MYPN: variants seen among roughly 807,000 people sequenced by gnomAD.
MYPN encodes myopalladin, also known as sarcomeric protein myopalladin, 145 kDa (MYOP).
A neutral mutation model predicts 129.4 loss-of-function variants in MYPN; 63 were observed. The observed-to-expected ratio is 0.49, with a 90% confidence interval of 0.40 to 0.60. The LOEUF (loss-of-function observed/expected upper bound fraction) is 0.60, where lower values mean the gene tolerates loss of function less well. MYPN is among the 20% of genes least tolerant of loss of function. MYPN has a pLI of 0.00. For synonymous variants in MYPN, 629 were observed against 600.9 expected (o/e 1.05, Z -0.68); for missense variants, 1,596 against 1,635.4 (o/e 0.98, Z 0.42).
chr10:68,188,630 T>C (rs572124645), intron 12 of MYPN, among the ~76,000 whole-genome samples: 7 of 152,280 alleles, frequency 4.6e-5, no homozygotes, highest in African/African-American at 1.7e-4. Flanking sequence ...AAAATTATAT[T>C]CCATCTACAT....
At chr10:68,110,940 C>A (rs1441847013) in intron 1 of MYPN, among the ~76,000 whole-genome samples, 1 of 152,124 alleles carries the variant, frequency 6.6e-6, no homozygotes, top group South Asian at 2.1e-4. Context: ...ATGAAACAAA[C>A]AGTTGAACAC....
rs969011897 is a variant in MYPN, at chr10:68,182,422, A to G, written c.2704-6483A>G. On this transcript the variant is annotated intron_variant, in intron 12 of 19. Coordinates refer to ENST00000358913, the MANE Select transcript of MYPN (RefSeq NM_032578.4). ...TATATAACACATATATATAACATAT[A>G]TATAACACATATATATAACATATAT... is the stretch of plus-strand genomic sequence containing the variant. Among the ~76,000 whole-genome samples, 3 of 98,180 alleles carry G rather than the reference A, an allele frequency of 3.1e-5. 1 individual carries two copies. The highest frequency in any genetic ancestry group is 2.6e-4 in the Admixed American group (2 of 7,568). 64.4% of individuals were successfully genotyped at this position (98,180 alleles called of 152,430 possible).
chr10:68,173,988 C>T (rs2043184236), intron 10 of MYPN, 78 bp from the exon 11 acceptor site: 2 of 1,189,110 alleles, frequency 1.7e-6, no homozygotes, highest in Non-Finnish European at 2.5e-6. Context: ...TATAAACAGT[C>T]TGTCTGAACA....
chr10:68,091,160 T>C (rs1049570255), intron 1 of MYPN, among the ~76,000 whole-genome samples: 4 of 152,110 alleles, frequency 2.6e-5, no homozygotes, highest in Admixed American at 1.3e-4. Context: ...TGGGTAGGCA[T>C]GGACTGGAGA....
intron 10 of MYPN, among the ~76,000 whole-genome samples, chr10:68,171,581 ACT>A (rs1204073692): frequency 6.6e-6 from 1 of 152,060 alleles, no homozygotes; most frequent in African/African-American, 2.4e-5. Flanking sequence ...GATAATAATA[ACT>A]CTGTCTGAAT....
rs749716608 is a variant in MYPN, at chr10:68,174,256, C to G, written c.2164C>G (p.Arg722Gly). ...APSSQTFSLARPKYFFPSTNT... is the reference protein window; with the variant it reads ...APSSQTFSLAGPKYFFPSTNT... ...TTCATCACAGACGTTCAGCTTGGCC[C>G]GGCCGAAGTATTTCTTCCCCTCCAC... The change falls in exon 11 of 20, where the codon CGG becomes GGG. Residue 722 changes from arginine (R) to glycine (G), a missense_variant. Transcript: ENST00000358913. 3.1e-6 allele frequency: 5 copies of G among 1,614,136 alleles called. No individual in the cohort carries two copies. In the Admixed American group the frequency reaches 8.3e-5, roughly 27 times the overall value.
At chr10:68,167,358 A>G (rs2043070924) in intron 10 of MYPN, among the ~76,000 whole-genome samples, 1 of 152,158 alleles carries the variant, frequency 6.6e-6, no homozygotes, top group Non-Finnish European at 1.5e-5. Flanking sequence ...GTCATTATGG[A>G]AAAACTATTT....
At chr10:68,198,294 C>T (rs1257832084) in intron 16 of MYPN, among the ~76,000 whole-genome samples, 5 of 152,080 alleles carry the variant, frequency 3.3e-5, no homozygotes, top group Non-Finnish European at 7.4e-5. Flanking sequence ...AAATATGGCT[C>T]CAAGGTAGTG....
intron 1 of MYPN, among the ~76,000 whole-genome samples, chr10:68,088,038 T>C (rs1279229987): frequency 6.6e-6 from 1 of 152,138 alleles, no homozygotes; most frequent in Non-Finnish European, 1.5e-5. Flanking sequence ...AAGCAAGAGA[T>C]TTCTTAAGGG....
intron 19 of MYPN, among the ~76,000 whole-genome samples, chr10:68,208,435 G>A (rs1268170286): frequency 1.3e-5 from 2 of 152,140 alleles, no homozygotes; most frequent in African/African-American, 4.8e-5. Context: ...AAACTGTGAA[G>A]GAAGCAGACA....
Position 68,121,945 on chromosome 10 carries a change from C to T in MYPN, c.507C>T (p.Ser169=), listed in dbSNP as rs923189707. Residue 169 remains serine (S), a synonymous_variant, in exon 2 of 20, where the codon AGC becomes AGT. Coordinates refer to ENST00000358913, the MANE Select transcript of MYPN (RefSeq NM_032578.4). ...TATCCTCCCTTTTCAAATCCCACAG[C>T]TCCAAAAGGATTAGACCTCGTGCCT... ...EELSSLFKSH[S]SKRIRPRACK... 1.2e-6 allele frequency: 2 copies of T among 1,614,208 alleles called. No homozygotes were observed. Among genetic ancestry groups the T allele is most frequent in the Non-Finnish European group, 1.7e-6 (2 of 1,180,040 alleles).
intron 10 of MYPN, among the ~76,000 whole-genome samples, chr10:68,169,072 A>G (rs146719912): frequency 7.0e-4 from 103 of 146,126 alleles, no homozygotes; most frequent in African/African-American, 2.6e-3. Context: ...CCGGCCAGGC[A>G]TGGTGGCTCA....
chr10:68,114,506 G>A (rs1049322496), intron 1 of MYPN, among the ~76,000 whole-genome samples: 3 of 151,864 alleles, frequency 2.0e-5, no homozygotes, highest in African/African-American at 4.8e-5. Flanking sequence ...CTGCCACCAC[G>A]TCCAGCTAAT....
chr10:68,152,234 G>GT (rs1449378651), intron 6 of MYPN, among the ~76,000 whole-genome samples: 3 of 152,172 alleles, frequency 2.0e-5, no homozygotes, highest in South Asian at 2.1e-4. Flanking sequence ...GATTATAAAT[G>GT]TTTTTTATCA....
At chr10:68,157,183 G>A (rs1318870691) in intron 6 of MYPN, among the ~76,000 whole-genome samples, 1 of 152,102 alleles carries the variant, frequency 6.6e-6, no homozygotes, top group Admixed American at 6.6e-5. Flanking sequence ...TGATTCCTTC[G>A]CAAATTTACA....
intron 12 of MYPN, among the ~76,000 whole-genome samples, chr10:68,179,694 T>A (rs1239398089): frequency 6.6e-6 from 1 of 152,164 alleles, no homozygotes; most frequent in African/African-American, 2.4e-5. Flanking sequence ...AGAGTATCAC[T>A]CTGTCACCCA....
At chr10:68,158,690 AT>A in intron 7 of MYPN, 63 bp downstream of exon 7, 4 of 1,179,472 alleles carry the variant, frequency 3.4e-6, no homozygotes, top group Non-Finnish European at 4.8e-6. Flanking sequence ...GTACACACTT[AT>A]TTTTATAACT....
intron 13 of MYPN, among the ~76,000 whole-genome samples, chr10:68,192,857 G>A (rs1042902848): frequency 6.6e-6 from 1 of 151,992 alleles, no homozygotes; most frequent in Admixed American, 6.6e-5. Flanking sequence ...GTTATCAGTT[G>A]TATTGTTTCC....
intron 12 of MYPN, among the ~76,000 whole-genome samples, chr10:68,182,295 C>A (rs2043330230): frequency 4.2e-5 from 1 of 23,934 alleles, no homozygotes; most frequent in Non-Finnish European, 1.1e-4. Context: ...ATATATATAA[C>A]ATATATATAA....
Sources: allele counts gnomAD v4.1 joint callset (sites outside exome capture counted in the v4.1 genomes callset), GRCh38; gene constraint gnomAD v4.1.1; transcripts MANE v1.5; gene names NCBI Gene and HGNC (gene_info 2026-07-23, HGNC 2026-07-21).